The following CHMP4C variants were observed in gnomAD, a reference collection of about 807,000 sequenced individuals.
CHMP4C encodes the protein SNF7 homolog associated with Alix 3.
Under a neutral mutation model 29.0 loss-of-function variants are expected in CHMP4C, and 28 were observed. That is an observed-to-expected ratio of 0.97 (90% confidence interval 0.72 to 1.32). The LOEUF (loss-of-function observed/expected upper bound fraction) is 1.32, where lower values mean the gene tolerates loss of function less well. Among genes scored for constraint, CHMP4C ranks in the 40% most tolerant of loss-of-function variants. The pLI is 0.00. For missense variants in CHMP4C, 291 were observed against 281.0 expected, an observed-to-expected ratio of 1.04 and a Z score of -0.25; for synonymous variants, 106 against 102.4, an observed-to-expected ratio of 1.04 and a Z score of -0.21.
intron 1 of CHMP4C, among the ~76,000 whole-genome samples, chr8:81,734,075 G>C (rs1011235526): frequency 5.9e-5 from 9 of 152,180 alleles, no homozygotes; most frequent in African/African-American, 2.2e-4. Context: ...TGTTTTAGAG[G>C]TAAGTACTGA....
chr8:81,743,971 T>C (rs937931893), intron 1 of CHMP4C, among the ~76,000 whole-genome samples: 1 of 152,228 alleles, frequency 6.6e-6, no homozygotes, highest in Non-Finnish European at 1.5e-5. Flanking sequence ...CCAAAGTTAC[T>C]AGCTTGCTTA....
intron 2 of CHMP4C, 112 bp downstream of exon 2, chr8:81,753,353 G>C: frequency 1.6e-6 from 1 of 642,058 alleles, no homozygotes; most frequent in Non-Finnish European, 2.4e-6. Context: ...GAGGCTCTTT[G>C]ACATGTTGAA....
chr8:81,732,862 C>A, intron 1 of CHMP4C, 46 bp downstream of exon 1: 1 of 1,559,970 alleles, frequency 6.4e-7, no homozygotes, highest in East Asian at 2.3e-5. Context: ...CTGCCTCTAG[C>A]CTTTCCCTTG....
At chr8:81,756,234 T>C (rs1368762253) in intron 3 of CHMP4C, among the ~76,000 whole-genome samples, 3 of 151,622 alleles carry the variant, frequency 2.0e-5, no homozygotes, top group Non-Finnish European at 4.4e-5. Flanking sequence ...AGCAAAAATA[T>C]GGCTTGCAGG....
chr8:81,755,721 A>G (rs567626275), intron 3 of CHMP4C, among the ~76,000 whole-genome samples: 1 of 152,330 alleles, frequency 6.6e-6, no homozygotes, highest in Admixed American at 6.5e-5. Flanking sequence ...ACAGCATGTG[A>G]TTGTGTAAAG....
At chr8:81,752,877 G>A (rs1456312106) in intron 1 of CHMP4C, among the ~76,000 whole-genome samples, 187 bp from the exon 2 acceptor site, 1 of 152,120 alleles carries the variant, frequency 6.6e-6, no homozygotes, top group Admixed American at 6.6e-5. Flanking sequence ...ATAAAATGTT[G>A]GAGACGGTAC....
intron 1 of CHMP4C, among the ~76,000 whole-genome samples, chr8:81,751,720 A>C (rs933374510): frequency 5.3e-5 from 8 of 152,180 alleles, no homozygotes; most frequent in African/African-American, 1.7e-4. Flanking sequence ...TACTGATAGC[A>C]TAGCAGTTAC....
rs778689005 is a variant in CHMP4C at position 81,732,827 on chromosome 8, G to T, written c.190+11G>T. 1.2e-6 allele frequency: 2 copies of T among 1,609,152 alleles called. No homozygotes were observed. The highest frequency in any genetic ancestry group is 3.4e-5 in the Admixed American group (2 of 59,290). ...CGCAGAATAAGCGAGGTAGGCTGGG[G>T]TCTGGCCCACAGGCGGGAGCCCATC... On this transcript the variant is annotated intron_variant, in intron 1 of 4. Coordinates refer to ENST00000297265, the MANE Select transcript of CHMP4C (RefSeq NM_152284.4).
intron 1 of CHMP4C, among the ~76,000 whole-genome samples, chr8:81,742,183 A>C (rs1044945205): frequency 6.6e-6 from 1 of 152,164 alleles, no homozygotes; most frequent in Non-Finnish European, 1.5e-5. Context: ...GGTAGCTAGA[A>C]GCCCCCACTA....
chr8:81,749,566 C>T (rs911729628), intron 1 of CHMP4C, among the ~76,000 whole-genome samples: 1 of 152,130 alleles, frequency 6.6e-6, no homozygotes, highest in African/African-American at 2.4e-5. Flanking sequence ...AATGCACCAG[C>T]AGATACGGAA....
intron 1 of CHMP4C, among the ~76,000 whole-genome samples, chr8:81,741,166 G>GT (rs575519731): frequency 8.6e-5 from 13 of 151,722 alleles, no homozygotes; most frequent in Non-Finnish European, 1.5e-4. Context: ...ATTACATCTA[G>GT]TTTTTTTTCA....
intron 1 of CHMP4C, among the ~76,000 whole-genome samples, chr8:81,736,868 A>G (rs1326240399): frequency 6.6e-6 from 1 of 152,198 alleles, no homozygotes; most frequent in African/African-American, 2.4e-5. Flanking sequence ...TGCTTTCATT[A>G]CAACTCATTA....
chr8:81,738,893 A>G (rs961037834), intron 1 of CHMP4C, among the ~76,000 whole-genome samples: 4 of 152,210 alleles, frequency 2.6e-5, no homozygotes, highest in African/African-American at 7.2e-5. Context: ...TGGACTTTGA[A>G]CAAGTAACTC....
At chr8:81,741,422 A>G (rs1318193591) in intron 1 of CHMP4C, among the ~76,000 whole-genome samples, 1 of 152,182 alleles carries the variant, frequency 6.6e-6, no homozygotes, top group East Asian at 1.9e-4. Context: ...AATTATGGCA[A>G]GAGAGTACTG....
intron 3 of CHMP4C, among the ~76,000 whole-genome samples, chr8:81,756,645 T>C (rs922296653): frequency 1.3e-5 from 2 of 152,172 alleles, no homozygotes; most frequent in Non-Finnish European, 2.9e-5. Context: ...GTCAAATTAG[T>C]GTTTGGTACC....
At chr8:81,738,828 A>G (rs1013835065) in intron 1 of CHMP4C, among the ~76,000 whole-genome samples, 1 of 152,210 alleles carries the variant, frequency 6.6e-6, no homozygotes, top group Non-Finnish European at 1.5e-5. Flanking sequence ...TATTTCACTC[A>G]TAAGTATTCA....
intron 1 of CHMP4C, 133 bp downstream of exon 1, chr8:81,732,949 G>A: frequency 1.3e-6 from 1 of 774,310 alleles, no homozygotes; most frequent in Non-Finnish European, 2.1e-6. Flanking sequence ...AACTGGTACT[G>A]ACTCTTAGGG....
Position 81,758,209 on chromosome 8 carries a change from G to A in CHMP4C, c.551G>A (p.Arg184His), listed in dbSNP as rs142794802. 4.5e-5 allele frequency: 73 copies of A among 1,613,614 alleles called. No individual in the cohort carries two copies. The highest frequency in any genetic ancestry group is 5.4e-5 in the Non-Finnish European group (64 of 1,179,824). ...EELNKKMTNI[R>H]LPNVPSSSLP... is the part of the protein sequence containing the mutation. ...TTAAATAAGAAGATGACAAATATCCGCCTTCCAAATGTGCCTTCCTCTTCT... is the reference window on the plus strand; with the variant it reads ...TTAAATAAGAAGATGACAAATATCCACCTTCCAAATGTGCCTTCCTCTTCT... Residue 184 changes from arginine (R) to histidine (H), a missense_variant, in exon 4 of 5, where the codon CGC becomes CAC. By Grantham distance (29) the Arg-to-His change is conservative (BLOSUM62 0). Coordinates refer to ENST00000297265, the MANE Select transcript of CHMP4C (RefSeq NM_152284.4).
chr8:81,758,322 G>A (rs372247189), intron 4 of CHMP4C, 27 bp downstream of exon 4: 1 of 1,610,668 alleles, frequency 6.2e-7, no homozygotes, highest in East Asian at 2.2e-5. Flanking sequence ...AACTACATGT[G>A]GTCAGATAGT....
Sources: gnomAD v4.1 joint callset for allele counts (sites outside exome capture counted in the v4.1 genomes callset) on GRCh38, gnomAD v4.1.1 for gene constraint, MANE v1.5 for transcripts, NCBI Gene and HGNC (gene_info 2026-07-23, HGNC 2026-07-21) for gene names.